CORIN: variants seen among roughly 807,000 people sequenced by gnomAD.
CORIN encodes atrial natriuretic peptide-converting enzyme.
CORIN carries 117 observed loss-of-function variants against 125.3 expected under a neutral mutation model. That is an observed-to-expected ratio of 0.93 (90% CI 0.80 to 1.09). CORIN has a LOEUF of 1.09. CORIN is among the 50% of genes least tolerant of loss of function. CORIN has a pLI of 0.00. For synonymous variants in CORIN, 450 were observed against 466.4 expected (o/e 0.96, Z 0.45); for missense variants, 1,253 against 1,306.7 (o/e 0.96, Z 0.63).
chr4:47,756,070 A>G (rs552614723), intron 4 of CORIN, among the ~76,000 whole-genome samples: 1 of 152,344 alleles, frequency 6.6e-6, no homozygotes, highest in South Asian at 2.1e-4. Flanking sequence ...ATAAACAGAC[A>G]GGCAAAAGGG....
intron 16 of CORIN, among the ~76,000 whole-genome samples, chr4:47,637,654 A>G (rs1459627703): frequency 6.6e-6 from 1 of 152,240 alleles, no homozygotes. Flanking sequence ...GTGAGTGCAC[A>G]GAAGTCAGGA....
intron 1 of CORIN, among the ~76,000 whole-genome samples, chr4:47,828,137 T>G (rs1718428623): frequency 6.6e-6 from 1 of 152,198 alleles, no homozygotes. Context: ...GCAGCACTCC[T>G]ATGGCATAAT....
chr4:47,786,713 CT>C lies in CORIN; in HGVS notation c.409+11del. ...ATTAAAAGCCTCTAGCATGTATCAC[CT>C]TTGGACTTACTTGTATTCCTGTGAC... On this transcript the variant is annotated intron_variant, in intron 3 of 21. Transcript: ENST00000273857. 6.2e-7 allele frequency: 1 copy of C among 1,610,146 alleles called. No individual in the cohort carries two copies. Among genetic ancestry groups the C allele is most frequent in the Non-Finnish European group, 8.5e-7 (1 of 1,176,394 alleles).
chr4:47,750,444 C>A (rs989724576), intron 4 of CORIN, among the ~76,000 whole-genome samples: 4 of 152,102 alleles, frequency 2.6e-5, no homozygotes, highest in Admixed American at 6.6e-5. Flanking sequence ...AGGTGAGCCA[C>A]TAAAGCAGGT....
intron 3 of CORIN, among the ~76,000 whole-genome samples, chr4:47,766,571 C>T (rs944992144): frequency 7.2e-5 from 11 of 151,848 alleles, no homozygotes; most frequent in South Asian, 2.1e-4. Flanking sequence ...CAACTACAAA[C>T]GAAGGAGAAT....
chr4:47,773,605 ACT>A (rs10602332), intron 3 of CORIN, among the ~76,000 whole-genome samples: 2,068 of 152,196 alleles, frequency 0.014, 40 homozygotes, highest in African/African-American at 0.045. Flanking sequence ...TTACCTTTTT[ACT>A]CTCTGACTCT....
chr4:47,802,712 A>G (rs1358451670), intron 2 of CORIN, among the ~76,000 whole-genome samples: 1 of 152,222 alleles, frequency 6.6e-6, no homozygotes, highest in African/African-American at 2.4e-5. Flanking sequence ...GAGGGACACA[A>G]ACCTGGCTGG....
At chr4:47,733,005 C>G (rs1202820068) in intron 5 of CORIN, among the ~76,000 whole-genome samples, 3 of 152,184 alleles carry the variant, frequency 2.0e-5, no homozygotes, top group African/African-American at 7.2e-5. Flanking sequence ...CATCTCTCCA[C>G]TGGCCTATGA....
Position 47,759,157 on chromosome 4 carries a change from A to T in CORIN, c.617+4222T>A, listed in dbSNP as rs1729332721. Among the ~76,000 whole-genome samples the T allele has an allele frequency of 3.3e-5, 5 of 152,242 alleles. No individual in the cohort carries two copies. The South Asian group carries it at 1.0e-3, about 32-fold the overall frequency. ...AGACACTCAATAAATGGCATTAGGG[A>T]AACTGCCTATCAACATGCAGAAGAA... On this transcript the variant is annotated intron_variant, in intron 4 of 21. Coordinates refer to ENST00000273857, the MANE Select transcript of CORIN (RefSeq NM_006587.4).
At chr4:47,618,910 A>G (rs960176105) in intron 19 of CORIN, among the ~76,000 whole-genome samples, 42 of 152,212 alleles carry the variant, frequency 2.8e-4, no homozygotes, top group African/African-American at 9.9e-4. Context: ...CCAACCAAAA[A>G]TCTTGTTGGA....
chr4:47,670,496 C>G (rs1379814000), intron 10 of CORIN, among the ~76,000 whole-genome samples: 1 of 152,172 alleles, frequency 6.6e-6, no homozygotes, highest in Non-Finnish European at 1.5e-5. Flanking sequence ...TAGGAAATTG[C>G]TAGACCCTTA....
At chr4:47,693,113 G>A (rs1370444019) in intron 5 of CORIN, 30 bp from the exon 6 acceptor site, 1 of 1,373,850 alleles carries the variant, frequency 7.3e-7, no homozygotes, top group South Asian at 1.2e-5. Flanking sequence ...AATAATGTCA[G>A]AATAAGATGG....
At chr4:47,699,682 C>T (rs150702702) in intron 5 of CORIN, among the ~76,000 whole-genome samples, 31 of 152,276 alleles carry the variant, frequency 2.0e-4, no homozygotes, top group Middle Eastern at 6.8e-3. Flanking sequence ...TATTTATTGG[C>T]TCTCAATGGC....
intron 5 of CORIN, among the ~76,000 whole-genome samples, chr4:47,740,459 C>T (rs551166532): frequency 3.3e-5 from 5 of 151,958 alleles, no homozygotes; most frequent in Non-Finnish European, 7.4e-5. Context: ...GACGAATTGA[C>T]CCTTTATCAT....
intron 4 of CORIN, among the ~76,000 whole-genome samples, chr4:47,751,842 T>C (rs1354748674): frequency 6.6e-6 from 1 of 152,168 alleles, no homozygotes. Context: ...CCAATAAGTG[T>C]TTGCTAAAGG....
intron 16 of CORIN, among the ~76,000 whole-genome samples, chr4:47,637,993 C>T (rs1040618402): frequency 6.6e-6 from 1 of 152,208 alleles, no homozygotes; most frequent in Non-Finnish European, 1.5e-5. Flanking sequence ...GCCACAGGGG[C>T]AGAGCTGCCC....
chr4:47,832,323 G>C (rs966813752), intron 1 of CORIN, among the ~76,000 whole-genome samples: 7 of 151,984 alleles, frequency 4.6e-5, no homozygotes, highest in African/African-American at 1.7e-4. Context: ...CCACGTAAGA[G>C]ACCTCAACAA....
chr4:47,708,131 G>A (rs573936191), intron 5 of CORIN, among the ~76,000 whole-genome samples: 7 of 152,266 alleles, frequency 4.6e-5, no homozygotes, highest in East Asian at 1.9e-4. Flanking sequence ...CAAGAGGGCC[G>A]TATTAGTTTC....
chr4:47,735,195 G>T (rs899065848), intron 5 of CORIN, among the ~76,000 whole-genome samples: 1 of 152,130 alleles, frequency 6.6e-6, no homozygotes, highest in African/African-American at 2.4e-5. Flanking sequence ...GTGTATACAA[G>T]AAATTACATT....
Sources: gnomAD v4.1 joint callset for allele counts (sites outside exome capture counted in the v4.1 genomes callset) on GRCh38, gnomAD v4.1.1 for gene constraint, MANE v1.5 for transcripts, NCBI Gene and HGNC (gene_info 2026-07-23, HGNC 2026-07-21) for gene names.